Variants in STON2 observed in about 807,000 individuals in gnomAD.
STON2 encodes stonin-2.
STON2 carries 29 observed loss-of-function variants against 65.7 expected under a neutral mutation model. That is an observed-to-expected ratio of 0.44 (90% CI 0.33 to 0.60). The LOEUF is 0.60. Ranked by LOEUF, STON2 falls within the 20% of genes least tolerant of loss-of-function variation. STON2 has a pLI of 0.03. For missense variants in STON2, 1,054 were observed against 1,118.1 expected (o/e 0.94, Z 0.82); for synonymous variants, 404 against 414.2 (o/e 0.98, Z 0.30).
chr14:81,401,206 T>G (rs1299019976), upstream of STON2, among the ~76,000 whole-genome samples: 1 of 152,232 alleles, frequency 6.6e-6, no homozygotes, highest in African/African-American at 2.4e-5. Context: ...TCAGCTACAG[T>G]GCCCAGAAGG....
chr14:81,379,045 G>A (rs925849861), intron 3 of STON2, among the ~76,000 whole-genome samples: 7 of 152,148 alleles, frequency 4.6e-5, no homozygotes, highest in Non-Finnish European at 1.0e-4. Context: ...AGCCTGCACA[G>A]TAAGGCAGGA....
Position 81,398,301 on chromosome 14 carries a change from A to G in STON2, c.82T>C (p.Ser28Pro). 1 of 1,612,152 alleles carries G rather than the reference A, an allele frequency of 6.2e-7. No individual in the cohort carries two copies. The highest frequency in any genetic ancestry group is 8.5e-7 in the Non-Finnish European group (1 of 1,178,406). Residue 28 changes from serine to proline, a missense_variant, in exon 2 of 8, where the codon TCG becomes CCG. Physicochemically the swap from Ser to Pro is moderately conservative, Grantham distance 74. Transcript: ENST00000614646. The part of the protein sequence containing the change: ...FNEEPPFPAH[S>P]QGGTEEHLPG... ...AAACGAAGGCACTCCTTACCCTGCG[A>G]GTGGGCAGGAAAGGGTGGCTCTTCA...
intron 3 of STON2, among the ~76,000 whole-genome samples, chr14:81,371,523 G>A (rs1007086349): frequency 3.3e-5 from 5 of 151,856 alleles, no homozygotes; most frequent in African/African-American, 9.7e-5. Context: ...GTGAAACCCC[G>A]TCTCTGCTAA....
intron 5 of STON2, among the ~76,000 whole-genome samples, chr14:81,282,267 T>C (rs1029299628): frequency 2.6e-5 from 4 of 152,226 alleles, no homozygotes; most frequent in Non-Finnish European, 5.9e-5. Context: ...TCTTGATGCA[T>C]GTTAATTCAC....
chr14:81,334,814 T>C (rs1166365312), intron 4 of STON2, among the ~76,000 whole-genome samples: 23 of 152,136 alleles, frequency 1.5e-4, no homozygotes, highest in Admixed American at 1.5e-3. Flanking sequence ...GGCTGCTCTT[T>C]GGACCAATGA....
At chr14:81,398,110 C>T (rs1003082214) in intron 2 of STON2, among the ~76,000 whole-genome samples, 185 bp downstream of exon 2, 2 of 152,102 alleles carry the variant, frequency 1.3e-5, no homozygotes, top group African/African-American at 4.8e-5. Flanking sequence ...CTAAGGTTCC[C>T]AAGATGCTTT....
chr14:81,283,530 A>ATTTTTTT (rs10653687), intron 5 of STON2, among the ~76,000 whole-genome samples: 1 of 128,904 alleles, frequency 7.8e-6, no homozygotes. Context: ...CAGATACTGC[A>ATTTTTTT]TTTTTTTTTT....
At chr14:81,299,227 C>T (rs1010835813) in intron 5 of STON2, among the ~76,000 whole-genome samples, 3 of 152,146 alleles carry the variant, frequency 2.0e-5, no homozygotes, top group African/African-American at 7.2e-5. Flanking sequence ...CATACATGCA[C>T]AGAATTAACG....
intron 2 of STON2, among the ~76,000 whole-genome samples, chr14:81,397,428 A>G (rs958868986): frequency 6.6e-6 from 1 of 152,208 alleles, no homozygotes; most frequent in African/African-American, 2.4e-5. Flanking sequence ...ATTATTAGCT[A>G]TTTAATTTTT....
At chr14:81,270,548 T>A in intron 7 of STON2, 122 bp downstream of exon 7, 1 of 1,591,004 alleles carries the variant, frequency 6.3e-7, no homozygotes, top group Non-Finnish European at 8.6e-7. Context: ...GTGAACTTCC[T>A]CTAAGGCAGT....
intron 2 of STON2, among the ~76,000 whole-genome samples, chr14:81,397,764 G>A (rs1015989092): frequency 2.0e-5 from 3 of 152,058 alleles, no homozygotes; most frequent in African/African-American, 4.8e-5. Context: ...CTCTTTCCAC[G>A]TGCCAGGCAC....
At chr14:81,349,611 G>A (rs1435728312) in intron 4 of STON2, among the ~76,000 whole-genome samples, 1 of 151,942 alleles carries the variant, frequency 6.6e-6, no homozygotes, top group Admixed American at 6.6e-5. Context: ...AGTGAGAAAG[G>A]GGCAATACTG....
intron 3 of STON2, among the ~76,000 whole-genome samples, chr14:81,376,381 T>C (rs1007846039): frequency 2.6e-5 from 4 of 152,160 alleles, no homozygotes; most frequent in South Asian, 2.1e-4. Context: ...GATAAAACTA[T>C]AGAAGTCCTA....
At position 81,277,253 on chromosome 14, in the gene STON2, C is replaced by A; in HGVS notation, c.2229G>T (p.Leu743Phe). ...RFRTVFAEKTLPFTLRTATSV... is the reference protein window; with the variant it reads ...RFRTVFAEKTFPFTLRTATSV... ...TTGTGGCCGTCCTGAGTGTGAAAGG[C>A]AAGGTCTTCTCAGCAAACACTGTCC... The change falls in exon 6 of 8, where the codon TTG becomes TTT. Residue 743 changes from leucine (L) to phenylalanine (F), a missense_variant. Leu to Phe is a conservative substitution (Grantham distance 22). Coordinates refer to ENST00000614646, the MANE Select transcript of STON2 (RefSeq NM_001394390.1). 6.2e-7 allele frequency: 1 copy of A among 1,614,192 alleles called. No individual in the cohort carries two copies. Among genetic ancestry groups the A allele is most frequent in the Non-Finnish European group, 8.5e-7 (1 of 1,180,042 alleles).
intron 1 of STON2, among the ~76,000 whole-genome samples, chr14:81,399,129 G>C (rs1323832470): frequency 2.6e-5 from 4 of 152,106 alleles, no homozygotes; most frequent in Non-Finnish European, 4.4e-5. Flanking sequence ...AAGAGGATAG[G>C]GAACATCTGT....
chr14:81,429,071 A>G (rs935063373), intron 1 of STON2, among the ~76,000 whole-genome samples: 2 of 152,232 alleles, frequency 1.3e-5, no homozygotes, highest in Non-Finnish European at 2.9e-5. Flanking sequence ...CCTGAAAGAG[A>G]AGTGTACAAT....
intron 4 of STON2, among the ~76,000 whole-genome samples, chr14:81,361,277 A>T (rs1898481923): frequency 6.6e-6 from 1 of 152,180 alleles, no homozygotes; most frequent in African/African-American, 2.4e-5. Context: ...TAGAAACTAA[A>T]AGAGCATGAT....
intron 4 of STON2, among the ~76,000 whole-genome samples, chr14:81,348,562 G>A (rs1043543708): frequency 1.8e-4 from 27 of 152,012 alleles, no homozygotes; most frequent in African/African-American, 6.0e-4. Flanking sequence ...ACTTCTACAA[G>A]GAAAACTACA....
intron 6 of STON2, among the ~76,000 whole-genome samples, chr14:81,271,253 T>A (rs1248336085): frequency 6.6e-6 from 1 of 152,218 alleles, no homozygotes; most frequent in Non-Finnish European, 1.5e-5. Flanking sequence ...AAAATACCAA[T>A]GACAGCTTCC....
Sources: gnomAD v4.1 joint callset for allele counts (sites outside exome capture counted in the v4.1 genomes callset) on GRCh38, gnomAD v4.1.1 for gene constraint, MANE v1.5 for transcripts, NCBI Gene and HGNC (gene_info 2026-07-23, HGNC 2026-07-21) for gene names.